Variants in COLQ observed in about 807,000 individuals in gnomAD.
COLQ encodes acetylcholinesterase collagenic tail peptide.
Under a neutral mutation model 69.0 loss-of-function variants are expected in COLQ, and 48 were observed. The observed-to-expected ratio is 0.70, with a 90% CI of 0.55 to 0.88. The LOEUF is 0.88. COLQ is among the 40% of genes least tolerant of loss of function. COLQ has a pLI of 0.00. For synonymous variants in COLQ, 217 were observed against 211.2 expected, an observed-to-expected ratio of 1.03 and a Z score of -0.24; for missense variants, 618 against 594.6, an observed-to-expected ratio of 1.04 and a Z score of -0.41.
At chr3:15,505,755 A>G (rs1275161608) in intron 1 of COLQ, among the ~76,000 whole-genome samples, 3 of 152,238 alleles carry the variant, frequency 2.0e-5, no homozygotes, top group Non-Finnish European at 2.9e-5. Context: ...TTCCAGCTGC[A>G]TCGGGCCCAA....
intron 11 of COLQ, among the ~76,000 whole-genome samples, 191 bp downstream of exon 11, chr3:15,470,345 C>T (rs1027296291): frequency 4.6e-5 from 7 of 152,232 alleles, no homozygotes; most frequent in Non-Finnish European, 8.8e-5. Context: ...ATCCCATCCA[C>T]TTCAAACTAC....
chr3:15,511,378 C>A (rs1042755147), intron 1 of COLQ, among the ~76,000 whole-genome samples: 6 of 152,254 alleles, frequency 3.9e-5, no homozygotes, highest in Non-Finnish European at 8.8e-5. Flanking sequence ...GGCTCCTAAG[C>A]CTGTCCAGCC....
chr3:15,461,082 C>T (rs2062104434), intron 12 of COLQ, among the ~76,000 whole-genome samples: 1 of 152,184 alleles, frequency 6.6e-6, no homozygotes, highest in Admixed American at 6.5e-5. Context: ...TGGCAATTCC[C>T]AGGTACCACG....
At chr3:15,477,100 G>A (rs780902836) in intron 6 of COLQ, 26 bp downstream of exon 6, 1 of 1,585,544 alleles carries the variant, frequency 6.3e-7, no homozygotes, top group Non-Finnish European at 8.6e-7. Flanking sequence ...GACACCGCAT[G>A]AGCCCTGAGA....
chr3:15,513,174 TC>T (rs1201630662), intron 1 of COLQ, among the ~76,000 whole-genome samples: 3 of 152,164 alleles, frequency 2.0e-5, no homozygotes, highest in African/African-American at 7.2e-5. Flanking sequence ...TAGTGGTGGT[TC>T]CATGGCCCGC....
At chr3:15,503,449 GCA>G (rs1291987283) in intron 1 of COLQ, among the ~76,000 whole-genome samples, 1 of 152,200 alleles carries the variant, frequency 6.6e-6, no homozygotes, top group Admixed American at 6.5e-5. Flanking sequence ...TAAAGGGCCT[GCA>G]CCCCTGAATG....
intron 15 of COLQ, 41 bp from the exon 16 acceptor site, chr3:15,453,972 A>C (rs1448701803): frequency 1.4e-6 from 2 of 1,414,692 alleles, no homozygotes; most frequent in Admixed American, 3.7e-5. Flanking sequence ...GAAGGAGCAG[A>C]GGCGATAGGC....
intron 1 of COLQ, among the ~76,000 whole-genome samples, chr3:15,512,385 A>G (rs961664311): frequency 1.3e-5 from 2 of 152,180 alleles, no homozygotes; most frequent in Admixed American, 1.3e-4. Flanking sequence ...GCCATGAGAG[A>G]TAAGTGCGGG....
intron 10 of COLQ, among the ~76,000 whole-genome samples, chr3:15,472,667 T>C (rs1246865012): frequency 6.6e-6 from 1 of 152,176 alleles, no homozygotes; most frequent in Non-Finnish European, 1.5e-5. Flanking sequence ...TCTCTCTTTA[T>C]TCTCTGACAT....
rs989322012 is a variant in COLQ at position 15,506,440 on chromosome 3, C to A, written c.106+15080G>T. On this transcript the variant is annotated intron_variant, in intron 1 of 16. Transcript: ENST00000383788. ...CTCCTACCCCTCTCCCTCAGCTACC[C>A]AGTTCCAATTATTTATTACCAACCA... 7.9e-5 allele frequency among the ~76,000 whole-genome samples: 12 copies of A among 152,304 alleles called. 1 individual carries two copies. The highest frequency in any genetic ancestry group is 1.9e-4 in the East Asian group (1 of 5,196).
chr3:15,466,291 G>A, intron 12 of COLQ, 50 bp downstream of exon 12: 1 of 1,355,000 alleles, frequency 7.4e-7, no homozygotes, highest in South Asian at 1.2e-5. Flanking sequence ...CTCTCTGGGA[G>A]GCTGGCCAGT....
chr3:15,498,699 G>A (rs1215639229), intron 1 of COLQ: 3 of 1,546,164 alleles, frequency 1.9e-6, no homozygotes, highest in Non-Finnish European at 2.6e-6. Context: ...ATTAGGGGTG[G>A]GAGTTGGCCA....
At chr3:15,480,538 T>C (rs923705036) in intron 3 of COLQ, among the ~76,000 whole-genome samples, 4 of 152,218 alleles carry the variant, frequency 2.6e-5, no homozygotes, top group African/African-American at 9.7e-5. Flanking sequence ...TGCATAGTAT[T>C]CCATGGTGTA....
At chr3:15,483,224 C>G (rs961383570) in intron 3 of COLQ, among the ~76,000 whole-genome samples, 2 of 152,122 alleles carry the variant, frequency 1.3e-5, no homozygotes, top group African/African-American at 4.8e-5. Context: ...CAGTTCTGCT[C>G]TGATCTTAGT....
At position 15,465,985 on chromosome 3, in the gene COLQ, C is replaced by T. The variant is rs59045762; in HGVS notation, c.814+356G>A. ...GAAAAAACCTGCAATGTCACCTTTA[C>T]TTCTAGGTTTAAGAGAATTGCTTGG... is the stretch of plus-strand genomic sequence containing the variant. On this transcript the variant is annotated intron_variant, in intron 12 of 16. Transcript: ENST00000383788. 6.5e-3 allele frequency among the ~76,000 whole-genome samples: 992 copies of T among 152,280 alleles called. 7 individuals are homozygous for T. Among genetic ancestry groups the T allele is most frequent in the African/African-American group, 0.022 (897 of 41,552 alleles).
At chr3:15,502,350 C>G (rs2062842871) in intron 1 of COLQ, among the ~76,000 whole-genome samples, 1 of 151,980 alleles carries the variant, frequency 6.6e-6, no homozygotes, top group Non-Finnish European at 1.5e-5. Context: ...CTCCTGACCT[C>G]AGGTGATCCA....
chr3:15,499,075 C>T (rs142119905), intron 1 of COLQ, among the ~76,000 whole-genome samples: 3 of 149,906 alleles, frequency 2.0e-5, no homozygotes, highest in Non-Finnish European at 4.4e-5. Context: ...CAGGGAAGAC[C>T]TTCATGGCCA....
chr3:15,480,981 T>G (rs1182977818), intron 3 of COLQ, among the ~76,000 whole-genome samples: 1 of 152,256 alleles, frequency 6.6e-6, no homozygotes, highest in Non-Finnish European at 1.5e-5. Context: ...TGTCTTCTTT[T>G]GAGAAGTGTC....
At position 15,479,003 on chromosome 3, in the gene COLQ, C is replaced by G. The variant is rs1262210603; in HGVS notation, c.367G>C (p.Gly123Arg). 3.1e-6 allele frequency: 5 copies of G among 1,614,172 alleles called. No homozygotes were observed. The highest frequency in any genetic ancestry group is 2.5e-6 in the Non-Finnish European group (3 of 1,180,024). The change falls in exon 5 of 17, where the codon GGG becomes CGG. Residue 123 changes from glycine (G) to arginine (R), a missense_variant and splice_region_variant. Transcript: ENST00000383788. Reference protein sequence around the residue: ...PGKTGPKGEKGELGRPGRKGR... With the variant: ...PGKTGPKGEKRELGRPGRKGR... ...TTCCTTCCTGGTCGGCCAAGCTCCC[C>G]CTATGGATGGAGAAGACAGGTAAGG...
Sources: gnomAD v4.1 joint callset for allele counts (sites outside exome capture counted in the v4.1 genomes callset) on GRCh38, gnomAD v4.1.1 for gene constraint, MANE v1.5 for transcripts, NCBI Gene and HGNC (gene_info 2026-07-23, HGNC 2026-07-21) for gene names.